ADARB2: variants seen among roughly 807,000 people sequenced by gnomAD.
ADARB2 encodes adenosine deaminase RNA specific B2 (inactive).
In ADARB2, 25 loss-of-function variants were observed where a neutral mutation model predicts 62.2. The observed-to-expected ratio is 0.40, with a 90% confidence interval of 0.29 to 0.56. ADARB2 has a LOEUF of 0.56. Among genes scored for constraint, ADARB2 ranks in the 20% least tolerant of loss-of-function variants. The pLI is 0.43. For synonymous variants in ADARB2, 572 were observed against 500.8 expected, an observed-to-expected ratio of 1.14 and a Z score of -1.90; for missense variants, 1,071 against 1,077.4, an observed-to-expected ratio of 0.99 and a Z score of 0.08.
chr10:1,658,566 C>G, intron 1 of ADARB2, among the ~76,000 whole-genome samples: 1 of 152,222 alleles, frequency 6.6e-6, no homozygotes, highest in East Asian at 1.9e-4. Flanking sequence ...GTCTCTCTAT[C>G]TCTCTCTCAC....
At position 1,543,207 on chromosome 10, in the gene ADARB2, GA is replaced by G. The variant is rs1401469718; in HGVS notation, c.101-164048del. Among the ~76,000 whole-genome samples, 4 of 152,232 alleles carry G rather than the reference GA, an allele frequency of 2.6e-5. No individual in the cohort carries two copies. In the East Asian group the frequency reaches 7.7e-4, roughly 29 times the overall value. ...GCCAGAAACGAAACCCTGAGAAGCAGAAGCCGGGCGTCCTGCCCGCCCTCCT... is the reference window on the plus strand; with the variant it reads ...GCCAGAAACGAAACCCTGAGAAGCAGAGCCGGGCGTCCTGCCCGCCCTCCT... On this transcript the variant is annotated intron_variant, in intron 1 of 9. Coordinates refer to ENST00000381312, the MANE Select transcript of ADARB2 (RefSeq NM_018702.4).
At chr10:1,431,579 C>A (rs1252872646) in intron 1 of ADARB2, among the ~76,000 whole-genome samples, 2 of 151,780 alleles carry the variant, frequency 1.3e-5, no homozygotes, top group East Asian at 1.9e-4. Flanking sequence ...GAAAAATAAA[C>A]CCAAAGCAAG....
chr10:1,336,912 C>CT (rs1831979193), intron 3 of ADARB2, among the ~76,000 whole-genome samples: 2 of 152,182 alleles, frequency 1.3e-5, no homozygotes, highest in Non-Finnish European at 2.9e-5. Context: ...ATTCCTGACT[C>CT]TTTTCTTCTT....
At chr10:1,734,521 A>G (rs1835275973) in intron 1 of ADARB2, among the ~76,000 whole-genome samples, 1 of 152,210 alleles carries the variant, frequency 6.6e-6, no homozygotes, top group Non-Finnish European at 1.5e-5. Context: ...TCTCAGAGTC[A>G]CACATAGAAA....
At chr10:1,217,537 A>G (rs1200497906) in intron 6 of ADARB2, among the ~76,000 whole-genome samples, 1 of 152,140 alleles carries the variant, frequency 6.6e-6, no homozygotes, top group East Asian at 1.9e-4. Flanking sequence ...CGTTTTTCTC[A>G]CTTTTCAGCC....
At chr10:1,234,615 AC>A (rs1404756360) in intron 5 of ADARB2, among the ~76,000 whole-genome samples, 2 of 149,484 alleles carry the variant, frequency 1.3e-5, no homozygotes, top group South Asian at 2.1e-4. Context: ...TAATTTATTT[AC>A]TTTTTTTTAG....
intron 7 of ADARB2, 124 bp from the exon 8 acceptor site, chr10:1,200,271 G>A: frequency 1.5e-6 from 2 of 1,343,788 alleles, no homozygotes; most frequent in South Asian, 1.3e-5. Context: ...ACCTTGGGGA[G>A]CTCCCTGGGA....
chr10:1,232,458 G>GTATGGCATA (rs1830815558), intron 6 of ADARB2, among the ~76,000 whole-genome samples: 1 of 151,562 alleles, frequency 6.6e-6, no homozygotes, highest in Non-Finnish European at 1.5e-5. Context: ...TGGTATGCAT[G>GTATGGCATA]TATGGCATAT....
intron 1 of ADARB2, among the ~76,000 whole-genome samples, chr10:1,571,012 G>C (rs577889730): frequency 6.6e-6 from 1 of 152,158 alleles, no homozygotes; most frequent in South Asian, 2.1e-4. Flanking sequence ...ACCTGTCATT[G>C]GGTCTTCCAG....
chr10:1,413,824 T>C (rs1832779475), intron 1 of ADARB2, among the ~76,000 whole-genome samples: 1 of 152,232 alleles, frequency 6.6e-6, no homozygotes, highest in South Asian at 2.1e-4. Context: ...AACCGATTTG[T>C]AAATTATGCA....
intron 1 of ADARB2, among the ~76,000 whole-genome samples, chr10:1,441,046 G>T (rs969027816): frequency 2.0e-5 from 3 of 152,202 alleles, no homozygotes; most frequent in Non-Finnish European, 2.9e-5. Context: ...AGCTCACTTG[G>T]TAGTGTCAGC....
chr10:1,190,014 A>C (rs1836818685), intron 8 of ADARB2, among the ~76,000 whole-genome samples: 1 of 152,104 alleles, frequency 6.6e-6, no homozygotes, highest in South Asian at 2.1e-4. Flanking sequence ...CCAGCAGTGA[A>C]AGGTGCCAAC....
chr10:1,608,441 C>CGGGAGGAAGGAAGGGGATGAGAGGAG (rs1833521666), intron 1 of ADARB2, among the ~76,000 whole-genome samples: 1 of 145,178 alleles, frequency 6.9e-6, no homozygotes, highest in South Asian at 2.2e-4. Flanking sequence ...CATTGACAGA[C>CGGGAGGAAGGAAGGGGATGAGAGGAG]GGGAGGAAGG....
At position 1,592,450 on chromosome 10, in the gene ADARB2, G is replaced by A. The variant is rs10218872; in HGVS notation, c.100+144601C>T. Among the ~76,000 whole-genome samples the A allele has an allele frequency of 4.1e-3, 48 of 11,832 alleles. 6 individuals carry two copies. The highest frequency in any genetic ancestry group is 0.016 in the East Asian group (2 of 128). 7.8% of individuals were successfully genotyped at this position (11,832 alleles called of 152,430 possible). ...TCCCCTCTGTCACCCAGCTACCCTCGCCCAAGCCACCCTCCATAGGTCTCC... is the reference window on the plus strand; with the variant it reads ...TCCCCTCTGTCACCCAGCTACCCTCACCCAAGCCACCCTCCATAGGTCTCC... On this transcript the variant is annotated intron_variant, in intron 1 of 9. Transcript: ENST00000381312.
intron 3 of ADARB2, among the ~76,000 whole-genome samples, chr10:1,354,063 C>A (rs1400938552): frequency 2.0e-5 from 3 of 152,170 alleles, no homozygotes; most frequent in Non-Finnish European, 4.4e-5. Flanking sequence ...AGCTTAATCT[C>A]TCCCACTCTA....
chr10:1,407,529 G>A (rs778082981), intron 1 of ADARB2, among the ~76,000 whole-genome samples: 1 of 152,206 alleles, frequency 6.6e-6, no homozygotes, highest in Non-Finnish European at 1.5e-5. Context: ...GGAAGTTGAC[G>A]GTAGGGGGCA....
intron 1 of ADARB2, among the ~76,000 whole-genome samples, chr10:1,650,729 C>T (rs946961624): frequency 6.6e-6 from 1 of 152,132 alleles, no homozygotes; most frequent in African/African-American, 2.4e-5. Context: ...CACTGCAGTC[C>T]CGGATAGGGG....
chr10:1,529,079 C>T (rs984695204), intron 1 of ADARB2, among the ~76,000 whole-genome samples: 1 of 145,124 alleles, frequency 6.9e-6, no homozygotes, highest in African/African-American at 2.5e-5. Flanking sequence ...GTCCACCCAC[C>T]ATGCCCAACA....
chr10:1,275,386 G>T (rs527514087), intron 3 of ADARB2, among the ~76,000 whole-genome samples: 1 of 152,352 alleles, frequency 6.6e-6, no homozygotes, highest in South Asian at 2.1e-4. Context: ...TGGCACCCAG[G>T]TGTGCACATT....
Sources: gnomAD v4.1 joint callset for allele counts (sites outside exome capture counted in the v4.1 genomes callset) on GRCh38, gnomAD v4.1.1 for gene constraint, MANE v1.5 for transcripts, NCBI Gene and HGNC (gene_info 2026-07-23, HGNC 2026-07-21) for gene names.